Variants in WDR81 observed in about 807,000 individuals in gnomAD.
WDR81 encodes the protein WD repeat-containing protein 81.
Under a neutral mutation model 140.8 loss-of-function variants are expected in WDR81, and 92 were observed. The ratio of observed to expected loss-of-function variants is 0.65; its 90% CI spans 0.55 to 0.78. The LOEUF is 0.78. Ranked by LOEUF, WDR81 falls within the 30% of genes least tolerant of loss-of-function variation. The pLI is 0.00. For synonymous variants in WDR81, 1,183 were observed against 1,156.4 expected, an observed-to-expected ratio of 1.02 and a Z score of -0.47; for missense variants, 2,502 against 2,636.4, an observed-to-expected ratio of 0.95 and a Z score of 1.12.
upstream of WDR81, among the ~76,000 whole-genome samples, chr17:1,720,301 G>A (rs1914795288): frequency 6.6e-6 from 1 of 152,206 alleles, no homozygotes; most frequent in Non-Finnish European, 1.5e-5. Flanking sequence ...GAGCCCAAAG[G>A]TGCTTGCATT....
Position 1,728,285 on chromosome 17 carries a change from G to A in WDR81, c.3326G>A (p.Ser1109Asn), listed in dbSNP as rs1297793081. 3 of 1,612,768 alleles carry A rather than the reference G, an allele frequency of 1.9e-6. No individual in the cohort carries two copies. The highest frequency in any genetic ancestry group is 2.5e-6 in the Non-Finnish European group (3 of 1,179,986). Residue 1109 changes from serine to asparagine, a missense_variant, in exon 1 of 10, where the codon AGT becomes AAT. By Grantham distance (46) the Ser-to-Asn change is conservative. Coordinates refer to ENST00000409644, the MANE Select transcript of WDR81 (RefSeq NM_001163809.2). ...EAEAVSLGRL[S>N]DKSSTSETSL... The stretch of plus-strand genomic sequence containing the variant: ...GAGGCTGTGAGCCTGGGCCGGCTGA[G>A]TGACAAGAGCAGCACCAGCGAGACC...
upstream of WDR81, among the ~76,000 whole-genome samples, chr17:1,722,267 A>C (rs541043013): frequency 6.6e-6 from 1 of 152,114 alleles, no homozygotes; most frequent in East Asian, 1.9e-4. Flanking sequence ...GACCAAGCAC[A>C]TGAGAGGCTC....
Position 1,728,629 on chromosome 17 carries a change from A to T in WDR81, c.3667+3A>T. ...CAAAGAACAGAAGATCCTCCTTGGT[A>T]AGTTCCCAGGTCTGGGAGGTGTTGG... is the stretch of plus-strand genomic sequence containing the variant. On this transcript the variant is annotated splice_donor_region_variant and intron_variant, in intron 1 of 9. Coordinates refer to ENST00000409644, the MANE Select transcript of WDR81 (RefSeq NM_001163809.2). 1.4e-6 allele frequency: 2 copies of T among 1,462,442 alleles called. No homozygotes were observed. Among genetic ancestry groups the T allele is most frequent in the Non-Finnish European group, 9.1e-7 (1 of 1,100,466 alleles). The allele number at this position is 1,462,442 out of a possible 1,614,324, so 90.6% of individuals were successfully genotyped here.
Position 1,728,600 on chromosome 17 carries a change from A to G in WDR81, c.3641A>G (p.Glu1214Gly). Residue 1214 changes from glutamate to glycine, a missense_variant, in exon 1 of 10, where the codon GAA becomes GGA. Glu to Gly is a moderately conservative substitution (Grantham distance 98, BLOSUM62 -2). Around this residue, in one of 3 missense-constraint regions of WDR81, gnomAD observed 1,737 missense variants for 1,843.0 expected, o/e 0.94. Transcript: ENST00000409644. ...GAGGAGGCACTGCCTGAGCAGTCAG[A>G]AGGCAAAGAACAGAAGATCCTCCTT... ...EEEEALPEQS[E>G]GKEQKILLDT... 1.4e-6 allele frequency: 2 copies of G among 1,480,992 alleles called. No individual in the cohort carries two copies. The highest frequency in any genetic ancestry group is 1.8e-6 in the Non-Finnish European group (2 of 1,109,060). 91.7% of individuals were successfully genotyped at this position (1,480,992 alleles called of 1,614,324 possible).
rs938235520 is a variant in WDR81 at position 1,727,609 on chromosome 17, A to G, written c.2650A>G (p.Ile884Val). The change falls in exon 1 of 10, where the codon ATC becomes GTC. Residue 884 changes from isoleucine to valine, a missense_variant. Ile to Val is a conservative substitution (Grantham distance 29). This residue lies in a region of WDR81 where 1,737 missense variants were observed against 1,843.0 expected (regional missense o/e 0.94). Coordinates refer to ENST00000409644, the MANE Select transcript of WDR81 (RefSeq NM_001163809.2). ...CTACTTCCCGGCACTGCACAGATTC[A>G]TCCTCCTGTACCAGGCAAGGCGTGT... ...PPYFPALHRF[I>V]LLYQARRVED... 1.3e-6 allele frequency: 2 copies of G among 1,550,306 alleles called. No homozygotes were observed. Among genetic ancestry groups the G allele is most frequent in the African/African-American group, 2.7e-5 (2 of 73,026 alleles).
chr17:1,726,102 C>T lies in WDR81; in HGVS notation c.1143C>T (p.Pro381=), dbSNP rs886297568. ...GRRQGDPNYH[P]VLPWVVDFTT... Reference sequence around the variant, plus strand: ...GGCAGGGGGACCCCAACTACCACCCCGTGCTGCCCTGGGTGGTGGACTTCA... The same window carrying T: ...GGCAGGGGGACCCCAACTACCACCCTGTGCTGCCCTGGGTGGTGGACTTCA... Residue 381 remains proline (P), a synonymous_variant, in exon 1 of 10, where the codon CCC becomes CCT. Coordinates refer to ENST00000409644, the MANE Select transcript of WDR81 (RefSeq NM_001163809.2). The T allele has an allele frequency of 7.8e-6, 12 of 1,547,172 alleles. No individual in the cohort carries two copies. Among genetic ancestry groups the T allele is most frequent in the African/African-American group, 1.4e-5 (1 of 72,996 alleles).
rs984204472 is a variant in WDR81 at position 1,735,168 on chromosome 17, G to A, written c.5180-404G>A. ...AAAAAGGCCGGACGCGGTGGCTCAC[G>A]CCTGTAATCCCAGCACTTTGGGAGG... On this transcript the variant is annotated intron_variant, in intron 7 of 9. Transcript: ENST00000409644. The surrounding 1 kb of genome is among the most constrained non-coding windows in gnomAD (Gnocchi z 4.2). 3.9e-5 allele frequency among the ~76,000 whole-genome samples: 6 copies of A among 152,296 alleles called. No individual in the cohort carries two copies. The highest frequency in any genetic ancestry group is 9.6e-5 in the African/African-American group (4 of 41,566).
In WDR81 at chr17:1,730,906, T is replaced by C. The variant is rs1904311661; in HGVS notation, c.3927T>C (p.Pro1309=). 6.2e-7 allele frequency: 1 copy of C among 1,613,186 alleles called. No individual in the cohort carries two copies. The highest frequency in any genetic ancestry group is 1.1e-5 in the South Asian group (1 of 91,086). ...LLHIARLYGE[P]VLTYQYLPYI... is the part of the protein sequence containing the mutation. ...ACATCGCCCGCCTGTATGGGGAGCC[T>C]GTCCTCACCTACCAGTACCTGCCCT... Residue 1309 remains proline, a synonymous_variant, in exon 3 of 10, where the codon CCT becomes CCC. Transcript: ENST00000409644.
In WDR81 at chr17:1,725,822, A is replaced by T; in HGVS notation, c.863A>T (p.His288Leu). 2 of 1,550,670 alleles carry T rather than the reference A, an allele frequency of 1.3e-6. No individual in the cohort carries two copies. Among genetic ancestry groups the T allele is most frequent in the Non-Finnish European group, 1.7e-6 (2 of 1,146,954 alleles). Residue 288 changes from histidine (H) to leucine (L), a missense_variant, in exon 1 of 10, where the codon CAC becomes CTC. Transcript: ENST00000409644. ...GLACGALSLY[H>L]IAVDEKLCSE... ...GCGTGTGGGGCCCTGTCTTTGTATCACATCGCAGTGGATGAGAAGCTTTGC... is the reference window on the plus strand; with the variant it reads ...GCGTGTGGGGCCCTGTCTTTGTATCTCATCGCAGTGGATGAGAAGCTTTGC...
intron 5 of WDR81, 36 bp from the exon 6 acceptor site, chr17:1,732,629 GT>G: frequency 6.3e-7 from 1 of 1,579,962 alleles, no homozygotes; most frequent in Non-Finnish European, 8.6e-7. Context: ...GGTGGGAGCT[GT>G]GGACCCGGCT....
chr17:1,732,398 C>T lies in WDR81; in HGVS notation c.4231C>T (p.Arg1411Cys), dbSNP rs939019178. The stretch of plus-strand genomic sequence containing the variant: ...CAGCCTCATCGCCCTCATCTGCCTG[C>T]GCATTGGACAGGAGATGGTCCAGCA... ...TISLIALICL[R>C]IGQEMVQQHL... Residue 1411 changes from arginine to cysteine, a missense_variant, in exon 5 of 10, where the codon CGC becomes TGC. Around this residue, in one of 3 missense-constraint regions of WDR81, gnomAD observed 1,737 missense variants for 1,843.0 expected, o/e 0.94. Transcript: ENST00000409644. 14 of 1,613,568 alleles carry T rather than the reference C, an allele frequency of 8.7e-6. No individual in the cohort carries two copies. Among genetic ancestry groups the T allele is most frequent in the African/African-American group, 4.0e-5 (3 of 74,926 alleles).
rs773440867 is a variant in WDR81 at position 1,734,255 on chromosome 17, C to T, written c.5179+39C>T. 4.0e-6 allele frequency: 6 copies of T among 1,499,706 alleles called. No homozygotes were observed. The African/African-American group carries it at 4.1e-5, about 10-fold the overall frequency. The allele number at this position is 1,499,706 out of a possible 1,614,324, so 92.9% of individuals were successfully genotyped here. On this transcript the variant is annotated intron_variant, in intron 7 of 9. Coordinates refer to ENST00000409644, the MANE Select transcript of WDR81 (RefSeq NM_001163809.2). ...GGTGAGGCCTGTTCTCTTCCTGCTC[C>T]TGCGCCCCACCAGGCCTCCAGGAAG...
At chr17:1,736,258 C>T (rs375054308) in intron 9 of WDR81, 40 bp downstream of exon 9, 149 of 1,572,674 alleles carry the variant, frequency 9.5e-5, no homozygotes, top group Admixed American at 5.3e-4. Flanking sequence ...GCCCAACCCC[C>T]GCCCCTGTCC....
intron 3 of WDR81, 60 bp downstream of exon 3, chr17:1,731,005 G>C: frequency 6.2e-7 from 1 of 1,604,048 alleles, no homozygotes; most frequent in Non-Finnish European, 8.5e-7. Flanking sequence ...GGGCCGGCCC[G>C]GGCTCTCTTG....
At position 1,728,061 on chromosome 17, in the gene WDR81, C is replaced by T. The variant is rs371953249; in HGVS notation, c.3102C>T (p.Ser1034=). 34 of 1,572,246 alleles carry T rather than the reference C, an allele frequency of 2.2e-5. No homozygotes were observed. Among genetic ancestry groups the T allele is most frequent in the South Asian group, 5.8e-5 (5 of 86,496 alleles). ...DLAGAAEEEE[S]GLPGAGPGSC... is the part of the protein sequence containing the mutation. ...CAGGGGCTGCTGAGGAGGAGGAGAGCGGGCTGCCCGGGGCCGGGCCTGGCT... is the reference window on the plus strand; with the variant it reads ...CAGGGGCTGCTGAGGAGGAGGAGAGTGGGCTGCCCGGGGCCGGGCCTGGCT... The change falls in exon 1 of 10, where the codon AGC becomes AGT. Residue 1034 remains serine (S), a synonymous_variant. Coordinates refer to ENST00000409644, the MANE Select transcript of WDR81 (RefSeq NM_001163809.2).
intron 1 of WDR81, chr17:1,716,814 G>A: frequency 1.4e-6 from 1 of 702,252 alleles, no homozygotes; most frequent in Non-Finnish European, 2.4e-6. Context: ...GAGCAGGAGT[G>A]GGCAGAGCGT....
At chr17:1,721,308 A>G (rs971994727), upstream of WDR81, among the ~76,000 whole-genome samples, 5 of 151,872 alleles carry the variant, frequency 3.3e-5, no homozygotes, top group Admixed American at 6.6e-5. Context: ...GTGGTGAGTC[A>G]AGATGGTGCC....
chr17:1,725,351 G>A lies in WDR81; in HGVS notation c.392G>A (p.Gly131Asp). The change falls in exon 1 of 10, where the codon GGC becomes GAC. Residue 131 changes from glycine (G) to aspartate (D), a missense_variant. Physicochemically the swap from Gly to Asp is moderately conservative, Grantham distance 94. Around this residue, in one of 3 missense-constraint regions of WDR81, gnomAD observed 547 missense variants for 513.8 expected, o/e 1.06. Transcript: ENST00000409644. ...CTGCCCTTTGAGGACGGGTCCTGCG[G>A]CCCTGAGACCCTCACTCGCTTCATG... ...GGLPFEDGSC[G>D]PETLTRFMQE... The A allele has an allele frequency of 1.3e-6, 2 of 1,549,232 alleles. No individual in the cohort carries two copies. Among genetic ancestry groups the A allele is most frequent in the Non-Finnish European group, 1.7e-6 (2 of 1,146,966 alleles).
chr17:1,732,656 T>G lies in WDR81; in HGVS notation c.4324-10T>G. 6.3e-7 allele frequency: 1 copy of G among 1,595,224 alleles called. No homozygotes were observed. Among genetic ancestry groups the G allele is most frequent in the Non-Finnish European group, 8.6e-7 (1 of 1,169,490 alleles). On this transcript the variant is annotated splice_polypyrimidine_tract_variant and intron_variant, in intron 5 of 9. Coordinates refer to ENST00000409644, the MANE Select transcript of WDR81 (RefSeq NM_001163809.2). ...GGACCCGGCTGACCCCCTGGGTGTC[T>G]TGCTCATAGGATCTGAAGCTGGACC...
Sources: allele counts gnomAD v4.1 joint callset (sites outside exome capture counted in the v4.1 genomes callset), GRCh38; gene constraint gnomAD v4.1.1; regional missense constraint gnomAD v4.1.1; non-coding constraint Gnocchi (gnomAD v3.1); transcripts MANE v1.5; gene names NCBI Gene and HGNC (gene_info 2026-07-23, HGNC 2026-07-21).